Variants in GRM5 observed in about 807,000 individuals in gnomAD.
The protein encoded by GRM5 is metabotropic glutamate receptor 5.
GRM5 carries 19 observed loss-of-function variants against 83.1 expected under a neutral mutation model. The observed-to-expected ratio is 0.23, with a 90% CI of 0.16 to 0.34. The LOEUF (loss-of-function observed/expected upper bound fraction) is 0.34. GRM5 is among the 10% of genes least tolerant of loss of function. The pLI, the probability that GRM5 is intolerant of heterozygous loss-of-function variation, is 1.00. For missense variants in GRM5, 1,160 were observed against 1,588.3 expected (o/e 0.73, Z 4.58); for synonymous variants, 675 against 633.6 (o/e 1.07, Z -0.98).
intron 2 of GRM5, among the ~76,000 whole-genome samples, chr11:88,980,640 G>T (rs576847286): frequency 6.6e-6 from 1 of 151,992 alleles, no homozygotes. Context: ...GGCTAACATG[G>T]TGAGCCCCCG....
intron 2 of GRM5, among the ~76,000 whole-genome samples, chr11:88,946,128 G>GA (rs1282830851): frequency 6.6e-6 from 1 of 151,674 alleles, no homozygotes; most frequent in African/African-American, 2.4e-5. Context: ...CAACAAACAT[G>GA]AAAAAAATTA....
intron 3 of GRM5, among the ~76,000 whole-genome samples, chr11:88,657,100 A>C (rs1428804539): frequency 6.6e-6 from 1 of 152,186 alleles, no homozygotes; most frequent in Non-Finnish European, 1.5e-5. Flanking sequence ...GTGAGTCAAC[A>C]ATTTATATTA....
chr11:88,952,030 C>A (rs548117399), intron 2 of GRM5, among the ~76,000 whole-genome samples: 38 of 152,256 alleles, frequency 2.5e-4, no homozygotes, highest in African/African-American at 8.7e-4. Flanking sequence ...TCTGTTCCTG[C>A]CACTCTTCTC....
At chr11:88,687,432 G>C (rs543573055) in intron 3 of GRM5, among the ~76,000 whole-genome samples, 1 of 140,778 alleles carries the variant, frequency 7.1e-6, no homozygotes, top group Non-Finnish European at 1.5e-5. Context: ...AGCCGAGATC[G>C]CTTCACTGCA....
intron 8 of GRM5, among the ~76,000 whole-genome samples, chr11:88,525,731 A>T (rs900831878): frequency 2.1e-4 from 32 of 152,228 alleles, no homozygotes; most frequent in African/African-American, 7.2e-4. Flanking sequence ...AATATCAATC[A>T]ACACATTAGA....
At chr11:88,574,163 C>T (rs1565344848) in intron 7 of GRM5, among the ~76,000 whole-genome samples, 2 of 152,240 alleles carry the variant, frequency 1.3e-5, no homozygotes, top group East Asian at 1.9e-4. Context: ...TGCACACAAA[C>T]GGGTCCTCAG....
chr11:88,933,132 A>C (rs975409025), intron 2 of GRM5, among the ~76,000 whole-genome samples: 4 of 151,354 alleles, frequency 2.6e-5, no homozygotes, highest in African/African-American at 9.7e-5. Flanking sequence ...TAAACTCCAA[A>C]AAATTGAGAG....
At position 88,566,636 on chromosome 11, in the gene GRM5, C is replaced by T. The variant is rs1004145749; in HGVS notation, c.2630+417G>A. Among the ~76,000 whole-genome samples the T allele has an allele frequency of 3.9e-5, 6 of 152,144 alleles. 1 individual carries two copies. Among genetic ancestry groups the T allele is most frequent in the South Asian group, 4.1e-4 (2 of 4,824 alleles). On this transcript the variant is annotated intron_variant, in intron 8 of 9. Coordinates refer to ENST00000305447, the MANE Select transcript of GRM5 (RefSeq NM_001143831.3). ...CACGTACAAGTGCAGTCTGATGTGT[C>T]GAGTTCTTGGCATTTTGCTCTCAGT...
At chr11:88,601,273 A>C (rs1425082528) in intron 5 of GRM5, among the ~76,000 whole-genome samples, 1 of 152,170 alleles carries the variant, frequency 6.6e-6, no homozygotes, top group African/African-American at 2.4e-5. Flanking sequence ...ATCCGCATGC[A>C]CACAAAGTCG....
intron 3 of GRM5, among the ~76,000 whole-genome samples, chr11:88,785,638 C>T (rs967649821): frequency 2.0e-5 from 3 of 152,036 alleles, no homozygotes; most frequent in African/African-American, 7.2e-5. Context: ...GCAGTCAAAG[C>T]ATTCAGTTCT....
At chr11:89,016,366 T>C (rs1188783457) in intron 2 of GRM5, among the ~76,000 whole-genome samples, 1 of 151,540 alleles carries the variant, frequency 6.6e-6, no homozygotes, top group Admixed American at 6.6e-5. Flanking sequence ...TATAGACAGA[T>C]ATTTTCATAA....
At chr11:88,624,841 C>T (rs1938747343) in intron 4 of GRM5, among the ~76,000 whole-genome samples, 1 of 152,114 alleles carries the variant, frequency 6.6e-6, no homozygotes, top group African/African-American at 2.4e-5. Flanking sequence ...AAAAATCCCC[C>T]TTTGAAGTTA....
At chr11:88,711,294 G>C (rs1331691743) in intron 3 of GRM5, among the ~76,000 whole-genome samples, 1 of 152,058 alleles carries the variant, frequency 6.6e-6, no homozygotes, top group Non-Finnish European at 1.5e-5. Flanking sequence ...TCCTCTTGCT[G>C]GTACCTTCCA....
chr11:88,549,035 A>G (rs1033201180), intron 8 of GRM5, among the ~76,000 whole-genome samples: 4 of 152,226 alleles, frequency 2.6e-5, no homozygotes, highest in Non-Finnish European at 5.9e-5. Flanking sequence ...GGAGATCTAG[A>G]GAATCTAATG....
At chr11:88,861,376 T>C (rs1392067106) in intron 2 of GRM5, among the ~76,000 whole-genome samples, 3 of 152,158 alleles carry the variant, frequency 2.0e-5, no homozygotes, top group Non-Finnish European at 4.4e-5. Flanking sequence ...CTCTTATTCC[T>C]GGAATACCCT....
intron 2 of GRM5, among the ~76,000 whole-genome samples, chr11:88,896,420 G>C (rs543528963): frequency 6.6e-5 from 10 of 152,066 alleles, no homozygotes; most frequent in African/African-American, 1.9e-4. Context: ...AACAAGAGTT[G>C]AGATGGGGCA....
chr11:88,943,861 C>T (rs1431437033), intron 2 of GRM5, among the ~76,000 whole-genome samples: 3 of 152,106 alleles, frequency 2.0e-5, no homozygotes, highest in South Asian at 4.1e-4. Context: ...TACAAATTCA[C>T]ATTTTCACTA....
chr11:88,913,375 T>A (rs1315265862), intron 2 of GRM5, among the ~76,000 whole-genome samples: 1 of 152,024 alleles, frequency 6.6e-6, no homozygotes, highest in Non-Finnish European at 1.5e-5. Flanking sequence ...GCAGTTGAGA[T>A]CCCTTCCTGT....
intron 2 of GRM5, among the ~76,000 whole-genome samples, chr11:88,946,573 A>G (rs1271247864): frequency 6.6e-6 from 1 of 152,072 alleles, no homozygotes; most frequent in Non-Finnish European, 1.5e-5. Flanking sequence ...AGAGAAAATC[A>G]AATATTGCAT....
Sources: gnomAD v4.1 joint callset for allele counts (sites outside exome capture counted in the v4.1 genomes callset) on GRCh38, gnomAD v4.1.1 for gene constraint, MANE v1.5 for transcripts, NCBI Gene and HGNC (gene_info 2026-07-23, HGNC 2026-07-21) for gene names.